Variants in CDH13 observed in about 807,000 individuals in gnomAD.
CDH13 encodes cadherin 13.
A neutral mutation model predicts 63.8 loss-of-function variants in CDH13; 24 were observed. That is an observed-to-expected ratio of 0.38 (90% CI 0.27 to 0.53). The LOEUF (loss-of-function observed/expected upper bound fraction) is 0.53. Among genes scored for constraint, CDH13 ranks in the 20% least tolerant of loss-of-function variants. CDH13 has a pLI of 0.85. For synonymous variants in CDH13, 503 were observed against 355.3 expected, an observed-to-expected ratio of 1.42 and a Z score of -4.67; for missense variants, 1,049 against 903.1, an observed-to-expected ratio of 1.16 and a Z score of -2.07.
At chr16:83,090,854 G>A (rs904380934) in intron 3 of CDH13, among the ~76,000 whole-genome samples, 3 of 151,230 alleles carry the variant, frequency 2.0e-5, no homozygotes, top group Non-Finnish European at 2.9e-5. Flanking sequence ...TTTAAGCTGT[G>A]GTGGTGTGAA....
chr16:83,529,862 C>T (rs887999551), intron 7 of CDH13, among the ~76,000 whole-genome samples: 3 of 152,130 alleles, frequency 2.0e-5, no homozygotes, highest in East Asian at 3.8e-4. Flanking sequence ...TCTTACATTT[C>T]TGTTATTTTC....
intron 5 of CDH13, 133 bp from the exon 6 acceptor site, chr16:83,344,729 C>G (rs2090800837): frequency 2.2e-6 from 2 of 902,014 alleles, no homozygotes; most frequent in African/African-American, 1.7e-5. Context: ...TGACTATCCT[C>G]TGAGACCAAA....
chr16:83,337,761 G>A (rs969480971), intron 5 of CDH13, among the ~76,000 whole-genome samples: 19 of 149,316 alleles, frequency 1.3e-4, no homozygotes, highest in East Asian at 2.0e-4. Flanking sequence ...ATATACAGAC[G>A]CTCATTGTGT....
At chr16:83,779,211 C>T (rs1915332517) in intron 11 of CDH13, among the ~76,000 whole-genome samples, 2 of 151,746 alleles carry the variant, frequency 1.3e-5, no homozygotes, top group Admixed American at 6.6e-5. Flanking sequence ...TTGAGACCAG[C>T]CTGGCCAACA....
intron 7 of CDH13, among the ~76,000 whole-genome samples, chr16:83,492,634 G>A (rs1041934402): frequency 9.2e-5 from 14 of 152,158 alleles, no homozygotes; most frequent in South Asian, 8.3e-4. Flanking sequence ...CACTTGCTCC[G>A]TTGTTTCAGC....
At chr16:82,919,683 A>T (rs950247023) in intron 2 of CDH13, among the ~76,000 whole-genome samples, 1 of 152,176 alleles carries the variant, frequency 6.6e-6, no homozygotes, top group African/African-American at 2.4e-5. Context: ...CATGTGGCCA[A>T]CATTTTAAAA....
At chr16:82,739,081 C>A (rs1209434044) in intron 1 of CDH13, among the ~76,000 whole-genome samples, 2 of 152,158 alleles carry the variant, frequency 1.3e-5, no homozygotes, top group African/African-American at 4.8e-5. Context: ...GGAACTGTGC[C>A]CTGGTTATGA....
chr16:83,251,516 T>C (rs1288073615), intron 5 of CDH13, among the ~76,000 whole-genome samples: 2 of 152,184 alleles, frequency 1.3e-5, no homozygotes, highest in Non-Finnish European at 2.9e-5. Context: ...ACCTCAGCCC[T>C]ATGGGACACA....
At chr16:83,304,385 C>T (rs2089825639) in intron 5 of CDH13, among the ~76,000 whole-genome samples, 1 of 151,874 alleles carries the variant, frequency 6.6e-6, no homozygotes, top group African/African-American at 2.4e-5. Context: ...GACCATATAG[C>T]TGGTTAAGTG....
chr16:83,046,761 T>G (rs1201821363), intron 3 of CDH13, among the ~76,000 whole-genome samples: 2 of 152,206 alleles, frequency 1.3e-5, no homozygotes, highest in African/African-American at 4.8e-5. Flanking sequence ...ATAGTGAGGC[T>G]GCCTTCAGTT....
At chr16:83,597,562 G>A (rs60124209) in intron 7 of CDH13, among the ~76,000 whole-genome samples, 1,878 of 152,236 alleles carry the variant, frequency 0.012, 59 homozygotes, top group African/African-American at 0.043. Flanking sequence ...GTGGAGGAGA[G>A]TTCTTTGAAA....
At position 83,129,603 on chromosome 16, in the gene CDH13, T is replaced by C. The variant is rs184755808; in HGVS notation, c.483+4102T>C. ...CCCCAGGGGATGGCACTGGGATACT[T>C]TGACACCAGCTGGGGTATTTCTACT... On this transcript the variant is annotated intron_variant, in intron 4 of 13. Coordinates refer to ENST00000567109, the MANE Select transcript of CDH13 (RefSeq NM_001257.5). 2.6e-4 allele frequency among the ~76,000 whole-genome samples: 40 copies of C among 152,296 alleles called. No individual in the cohort carries two copies. In the East Asian group the frequency reaches 7.7e-3, roughly 29 times the overall value.
At chr16:82,977,513 C>A (rs1909683512) in intron 2 of CDH13, among the ~76,000 whole-genome samples, 1 of 152,082 alleles carries the variant, frequency 6.6e-6, no homozygotes, top group African/African-American at 2.4e-5. Context: ...TGGGGCTTTT[C>A]CCCCTTTTGC....
At chr16:83,090,918 C>G (rs965318235) in intron 3 of CDH13, among the ~76,000 whole-genome samples, 1 of 151,834 alleles carries the variant, frequency 6.6e-6, no homozygotes, top group East Asian at 1.9e-4. Flanking sequence ...TTGGGAACCC[C>G]CAGCAAAATA....
At chr16:83,440,103 G>T (rs1162436797) in intron 6 of CDH13, among the ~76,000 whole-genome samples, 1 of 152,196 alleles carries the variant, frequency 6.6e-6, no homozygotes, top group Non-Finnish European at 1.5e-5. Context: ...AGTTTGCTTG[G>T]TCCCAGTAAG....
intron 1 of CDH13, among the ~76,000 whole-genome samples, chr16:82,778,001 ATGCCCTGACACTTTTGT>A (rs1272961653): frequency 4.6e-5 from 7 of 152,188 alleles, no homozygotes; most frequent in Non-Finnish European, 7.3e-5. Flanking sequence ...CATAGAAGAG[ATGCCCTGACACTTTTGT>A]TGCCTTCTAT....
At chr16:82,856,452 G>A (rs62035200) in intron 1 of CDH13, among the ~76,000 whole-genome samples, 22,157 of 149,462 alleles carry the variant, frequency 0.15, 1,817 homozygotes, top group South Asian at 0.21. Flanking sequence ...CTGTAGTCTT[G>A]GCACTTTGGG....
chr16:82,784,124 C>T (rs908546969), intron 1 of CDH13, among the ~76,000 whole-genome samples: 4 of 152,208 alleles, frequency 2.6e-5, no homozygotes, highest in Middle Eastern at 3.4e-3. Flanking sequence ...CCCCAAATTT[C>T]GGTGGTTTAA....
rs143640611 is a variant in CDH13, at chr16:83,034,495, T to C, written c.366+2277T>C. Among the ~76,000 whole-genome samples, 94 of 152,280 alleles carry C rather than the reference T, an allele frequency of 6.2e-4. No homozygotes were observed. The East Asian group carries it at 0.016, about 26-fold the overall frequency. On this transcript the variant is annotated intron_variant, in intron 3 of 13. Transcript: ENST00000567109. ...TTTTCTCTTACTTAGCCATGACCAA[T>C]GGTCACAGCATCTCACTAATCTGTG...
Sources: allele counts gnomAD v4.1 joint callset (sites outside exome capture counted in the v4.1 genomes callset), GRCh38; gene constraint gnomAD v4.1.1; transcripts MANE v1.5; gene names NCBI Gene and HGNC (gene_info 2026-07-23, HGNC 2026-07-21).